The following PTPN11 variants were observed in gnomAD, a reference collection of about 807,000 sequenced individuals.
PTPN11 encodes the protein protein tyrosine phosphatase non-receptor type 11.
In PTPN11, 6 loss-of-function variants were observed where a neutral mutation model predicts 78.8. That is an observed-to-expected ratio of 0.08 (90% CI 0.04 to 0.15). The LOEUF (loss-of-function observed/expected upper bound fraction) is 0.15. PTPN11 is among the 10% of genes least tolerant of loss of function. PTPN11 has a pLI of 1.00. For synonymous variants in PTPN11, 221 were observed against 263.5 expected, an observed-to-expected ratio of 0.84 and a Z score of 1.56; for missense variants, 386 against 744.8, an observed-to-expected ratio of 0.52 and a Z score of 5.61.
intron 2 of PTPN11, among the ~76,000 whole-genome samples, chr12:112,449,850 G>T (rs969160332): frequency 1.3e-5 from 2 of 152,108 alleles, no homozygotes; most frequent in African/African-American, 4.8e-5. Flanking sequence ...TGGATCACCT[G>T]TGGTTAGGAG....
chr12:112,492,387 A>AT (rs905186197), intron 13 of PTPN11, among the ~76,000 whole-genome samples: 98 of 149,008 alleles, frequency 6.6e-4, no homozygotes, highest in African/African-American at 2.1e-3. Flanking sequence ...TTTTTGCTAC[A>AT]TTTTTTTTTT....
At chr12:112,441,142 T>G (rs1455631473) in intron 1 of PTPN11, among the ~76,000 whole-genome samples, 2 of 151,814 alleles carry the variant, frequency 1.3e-5, no homozygotes, top group African/African-American at 2.4e-5. Flanking sequence ...TTTTGTATTT[T>G]TAGTAGGGAC....
At chr12:112,435,647 G>GTTTT (rs552552504) in intron 1 of PTPN11, among the ~76,000 whole-genome samples, 60 of 135,718 alleles carry the variant, frequency 4.4e-4, no homozygotes, top group African/African-American at 1.5e-3. Flanking sequence ...TAGGATTAAG[G>GTTTT]TTTTTTTTTT....
chr12:112,495,085 T>C lies in PTPN11; in HGVS notation c.1599+5910T>C, dbSNP rs915602761. ...ATAAAGTCGAGGAGCATTATACATA[T>C]CTCTGTATAACAGAGTGAGTTCCTT... On this transcript the variant is annotated intron_variant, in intron 13 of 15. Coordinates refer to ENST00000351677, the MANE Select transcript of PTPN11 (RefSeq NM_002834.5). Among the ~76,000 whole-genome samples, 9 of 152,296 alleles carry C rather than the reference T, an allele frequency of 5.9e-5. No individual in the cohort carries two copies. In the South Asian group the frequency reaches 1.7e-3, roughly 28 times the overall value.
At chr12:112,487,979 T>C (rs1367194992) in intron 11 of PTPN11, among the ~76,000 whole-genome samples, 1 of 152,064 alleles carries the variant, frequency 6.6e-6, no homozygotes, top group Non-Finnish European at 1.5e-5. Flanking sequence ...AGACGAGGTT[T>C]TGCTATGTTG....
chr12:112,474,715 A>T (rs2038471951), intron 7 of PTPN11, among the ~76,000 whole-genome samples: 1 of 152,156 alleles, frequency 6.6e-6, no homozygotes, highest in African/African-American at 2.4e-5. Context: ...CCCGGGCTCA[A>T]GTGGTCCTTC....
At chr12:112,423,499 C>T (rs967211062) in intron 1 of PTPN11, among the ~76,000 whole-genome samples, 9 of 151,846 alleles carry the variant, frequency 5.9e-5, no homozygotes, top group Non-Finnish European at 7.4e-5. Context: ...TTGGCCAGGC[C>T]GGTCTTGAAC....
intron 9 of PTPN11, among the ~76,000 whole-genome samples, chr12:112,480,942 T>G (rs927653833): frequency 6.6e-6 from 1 of 152,236 alleles, no homozygotes; most frequent in African/African-American, 2.4e-5. Flanking sequence ...AACTCATCTC[T>G]TACTGAGTGA....
At chr12:112,435,443 C>G (rs1436829231) in intron 1 of PTPN11, among the ~76,000 whole-genome samples, 1 of 152,092 alleles carries the variant, frequency 6.6e-6, no homozygotes, top group Non-Finnish European at 1.5e-5. Flanking sequence ...GAAGAGATGA[C>G]AGTGGTGACA....
chr12:112,447,494 A>G (rs898961543), intron 2 of PTPN11, among the ~76,000 whole-genome samples: 1 of 151,966 alleles, frequency 6.6e-6, no homozygotes, highest in African/African-American at 2.4e-5. Context: ...ATGCTGATTG[A>G]TAACGATCTA....
chr12:112,488,883 A>T, intron 12 of PTPN11, 141 bp from the exon 13 acceptor site: 1 of 1,226,136 alleles, frequency 8.2e-7, no homozygotes, highest in Non-Finnish European at 1.2e-6. Context: ...GAAGTTCAAC[A>T]CTGTAGCCAT....
chr12:112,508,878 A>G lies in PTPN11; in HGVS notation c.*3086A>G, dbSNP rs2038967682. 6.6e-6 allele frequency: 1 copy of G among 152,212 alleles called. No individual in the cohort carries two copies. The highest frequency in any genetic ancestry group is 6.5e-5 in the Admixed American group (1 of 15,272). 9.4% of individuals were successfully genotyped at this position (152,212 alleles called of 1,614,324 possible). A position where few individuals can be genotyped will look rare whatever the true frequency, so the allele number is the denominator to read the frequency against. On this transcript the variant is annotated 3_prime_UTR_variant, in exon 16 of 16. Coordinates refer to ENST00000351677, the MANE Select transcript of PTPN11 (RefSeq NM_002834.5). ...TGTGTGTGCATTCTTTAAAGAGCCA[A>G]GTTGCTTCGGGGAAACAGCCAGGAA...
chr12:112,479,474 C>T (rs1157672998), intron 9 of PTPN11, among the ~76,000 whole-genome samples: 1 of 152,160 alleles, frequency 6.6e-6, no homozygotes, highest in Admixed American at 6.5e-5. Flanking sequence ...ATAAGACTTT[C>T]ATTGTTGTAC....
rs906338801 is a variant in PTPN11, at chr12:112,482,251, T to C, written c.1224+46T>C. ...TAGAGACTTTGGGAACTGTTGATGGTGTGTAGGAATTCAGGGTCTTGCCGT... is the reference window on the plus strand; with the variant it reads ...TAGAGACTTTGGGAACTGTTGATGGCGTGTAGGAATTCAGGGTCTTGCCGT... On this transcript the variant is annotated intron_variant, in intron 10 of 15. Coordinates refer to ENST00000351677, the MANE Select transcript of PTPN11 (RefSeq NM_002834.5). This position sits in a 1 kb window ranked among gnomAD's most constrained non-coding sequence, Gnocchi z 4.4. 3 of 1,594,064 alleles carry C rather than the reference T, an allele frequency of 1.9e-6. No individual in the cohort carries two copies. In the African/African-American group the frequency reaches 4.0e-5, roughly 21 times the overall value.
intron 1 of PTPN11, among the ~76,000 whole-genome samples, chr12:112,423,214 G>GAATT (rs1349332441): frequency 9.2e-5 from 14 of 152,180 alleles, no homozygotes; most frequent in African/African-American, 3.1e-4. Flanking sequence ...GAGGAGCACT[G>GAATT]AATTTAGAGA....
intron 6 of PTPN11, among the ~76,000 whole-genome samples, chr12:112,470,169 G>A (rs908727788): frequency 6.6e-6 from 1 of 152,150 alleles, no homozygotes; most frequent in Non-Finnish European, 1.5e-5. Context: ...CAAAAATACC[G>A]ATTTTGATTA....
chr12:112,432,910 A>T (rs1345882592), intron 1 of PTPN11, among the ~76,000 whole-genome samples: 1 of 149,802 alleles, frequency 6.7e-6, no homozygotes, highest in Non-Finnish European at 1.5e-5. Context: ...ACCCAGGCTG[A>T]TGTGTAGTGG....
chr12:112,481,016 C>G (rs1426707367), intron 9 of PTPN11, among the ~76,000 whole-genome samples: 1 of 152,210 alleles, frequency 6.6e-6, no homozygotes, highest in Non-Finnish European at 1.5e-5. Context: ...TCCGCCTGCT[C>G]TTGAAGCCAG....
chr12:112,492,905 A>G (rs940495864), intron 13 of PTPN11, among the ~76,000 whole-genome samples: 1 of 152,104 alleles, frequency 6.6e-6, no homozygotes, highest in East Asian at 1.9e-4. Context: ...CCAAATGGCA[A>G]TTTTCTGTTT....
Sources: allele counts gnomAD v4.1 joint callset (sites outside exome capture counted in the v4.1 genomes callset), GRCh38; gene constraint gnomAD v4.1.1; non-coding constraint Gnocchi (gnomAD v3.1); transcripts MANE v1.5; gene names NCBI Gene and HGNC (gene_info 2026-07-23, HGNC 2026-07-21).